Variants in CEP85 observed in about 807,000 individuals in gnomAD.
The protein encoded by CEP85 is centrosomal protein of 85 kDa.
A neutral mutation model predicts 93.7 loss-of-function variants in CEP85; 58 were observed. The observed-to-expected ratio is 0.62, with a 90% CI of 0.50 to 0.77. CEP85 has a LOEUF of 0.77. Among genes scored for constraint, CEP85 ranks in the 30% least tolerant of loss-of-function variants. The probability of loss-of-function intolerance (pLI) is 0.00; values close to 1 mark genes in which losing one functional copy is unlikely to be tolerated. For missense variants in CEP85, 868 were observed against 922.0 expected (o/e 0.94, Z 0.76); for synonymous variants, 314 against 338.6 (o/e 0.93, Z 0.80).
intron 7 of CEP85, among the ~76,000 whole-genome samples, chr1:26,262,426 C>T (rs895424612): frequency 1.3e-5 from 2 of 151,416 alleles, no homozygotes; most frequent in African/African-American, 4.9e-5. Flanking sequence ...TGCAGTGAGC[C>T]GAGATAGCAC....
chr1:26,258,503 T>G (rs1198242205), intron 6 of CEP85, among the ~76,000 whole-genome samples: 2 of 151,668 alleles, frequency 1.3e-5, no homozygotes, highest in African/African-American at 4.9e-5. Context: ...GAAAGGTAGA[T>G]AGTAAGGTCC....
intron 1 of CEP85, among the ~76,000 whole-genome samples, chr1:26,238,763 ATAACT>A (rs1231780441): frequency 6.6e-6 from 1 of 152,242 alleles, no homozygotes; most frequent in Non-Finnish European, 1.5e-5. Context: ...TAATAAATTG[ATAACT>A]TAATGTTTAG....
chr1:26,241,948 G>A (rs1370693364), intron 2 of CEP85, among the ~76,000 whole-genome samples: 2 of 152,024 alleles, frequency 1.3e-5, no homozygotes, highest in East Asian at 3.9e-4. Context: ...ATTTTTAGTA[G>A]AGACGGGTTT....
chr1:26,270,316 G>C (rs2089956232), intron 9 of CEP85, among the ~76,000 whole-genome samples: 1 of 152,186 alleles, frequency 6.6e-6, no homozygotes, highest in African/African-American at 2.4e-5. Flanking sequence ...GCTACCAGGA[G>C]CCTTTCTCCT....
In CEP85 at chr1:26,277,968, G is replaced by C. The variant is rs1236869184; in HGVS notation, c.*675G>C. The C allele has an allele frequency of 6.5e-6, 1 of 152,696 alleles. No homozygotes were observed. Among genetic ancestry groups the C allele is most frequent in the African/African-American group, 2.4e-5 (1 of 41,408 alleles). 9.5% of individuals were successfully genotyped at this position (152,696 alleles called of 1,614,324 possible). A position where few individuals can be genotyped will look rare whatever the true frequency, so the allele number is the denominator to read the frequency against. On this transcript the variant is annotated 3_prime_UTR_variant, in exon 14 of 14. Transcript: ENST00000451429. Reference sequence around the variant, plus strand: ...ACTCTCCAGCTGCCTTGTGTCCCTAGGGTCCTGGCCATGTGTTTAGTGTGC... The same window carrying C: ...ACTCTCCAGCTGCCTTGTGTCCCTACGGTCCTGGCCATGTGTTTAGTGTGC...
In CEP85 at chr1:26,243,771, G is replaced by A. The variant is rs568458723; in HGVS notation, c.56-395G>A. Among the ~76,000 whole-genome samples the A allele has an allele frequency of 9.2e-5, 14 of 152,178 alleles. No individual in the cohort carries two copies. The South Asian group carries it at 1.9e-3, about 20-fold the overall frequency. ...TCCCAGCACTTTGGGAGGCCAAGGC[G>A]GGTGGATTATGAGATCAGGAGTTCA... On this transcript the variant is annotated intron_variant, in intron 2 of 13. Coordinates refer to ENST00000451429, the MANE Select transcript of CEP85 (RefSeq NM_001319944.2).
chr1:26,268,681 A>G (rs1366627169), intron 8 of CEP85, 46 bp downstream of exon 8: 6 of 1,539,608 alleles, frequency 3.9e-6, no homozygotes, highest in Non-Finnish European at 5.2e-6. Flanking sequence ...GGGAGTGGCC[A>G]GGCAGGGGAA....
intron 3 of CEP85, among the ~76,000 whole-genome samples, chr1:26,254,427 TA>T (rs78505562): frequency 3.9e-4 from 56 of 143,496 alleles, no homozygotes; most frequent in Admixed American, 4.2e-4. Context: ...AAGGAAAAGT[TA>T]AAAAAAAAAA....
chr1:26,235,734 G>T (rs1238286045), intron 1 of CEP85, among the ~76,000 whole-genome samples: 2 of 151,976 alleles, frequency 1.3e-5, no homozygotes, highest in Non-Finnish European at 2.9e-5. Context: ...CACCATGCAC[G>T]GATAATTTTG....
intron 7 of CEP85, among the ~76,000 whole-genome samples, chr1:26,261,266 G>T (rs1240958030): frequency 6.6e-6 from 1 of 150,938 alleles, no homozygotes; most frequent in Non-Finnish European, 1.5e-5. Context: ...TGAGGTCAGG[G>T]GTTCGAGACC....
chr1:26,267,535 G>C (rs2089910612), intron 7 of CEP85, among the ~76,000 whole-genome samples: 1 of 152,174 alleles, frequency 6.6e-6, no homozygotes, highest in East Asian at 1.9e-4. Context: ...TTGCATTCCA[G>C]CCTGGGCAAC....
intron 7 of CEP85, among the ~76,000 whole-genome samples, chr1:26,262,695 A>T (rs193181822): frequency 1.3e-5 from 2 of 152,306 alleles, no homozygotes; most frequent in Admixed American, 1.3e-4. Flanking sequence ...GAAAAATCAA[A>T]CGGCACCTGC....
At position 26,246,477 on chromosome 1, in the gene CEP85, T is replaced by C. The variant is rs75384142; in HGVS notation, c.208+2159T>C. Among the ~76,000 whole-genome samples, 496 of 152,264 alleles carry C rather than the reference T, an allele frequency of 3.3e-3. 1 individual carries two copies. The highest frequency in any genetic ancestry group is 0.011 in the African/African-American group (444 of 41,554). ...GGCCAGATGTAGGGGCTGATGTCTATAATCCTAGCGCTTTGGGAGGCCAAG... is the reference window on the plus strand; with the variant it reads ...GGCCAGATGTAGGGGCTGATGTCTACAATCCTAGCGCTTTGGGAGGCCAAG... On this transcript the variant is annotated intron_variant, in intron 3 of 13. Coordinates refer to ENST00000451429, the MANE Select transcript of CEP85 (RefSeq NM_001319944.2).
intron 3 of CEP85, among the ~76,000 whole-genome samples, chr1:26,251,450 C>T (rs2089614169): frequency 6.6e-6 from 1 of 152,044 alleles, no homozygotes; most frequent in East Asian, 1.9e-4. Flanking sequence ...AGGGTTTCTC[C>T]ACGTTGATCA....
intron 3 of CEP85, among the ~76,000 whole-genome samples, chr1:26,253,599 C>T (rs529100154): frequency 6.6e-6 from 1 of 151,816 alleles, no homozygotes; most frequent in South Asian, 2.1e-4. Context: ...CCGTGTTAGC[C>T]AGGATGGTTT....
intron 3 of CEP85, among the ~76,000 whole-genome samples, chr1:26,250,686 T>C (rs1228579652): frequency 2.0e-5 from 3 of 152,228 alleles, no homozygotes; most frequent in Non-Finnish European, 4.4e-5. Context: ...TTGGTACTTT[T>C]CTTCTTGGCT....
chr1:26,271,345 C>T (rs757516387), intron 10 of CEP85: 1 of 421,872 alleles, frequency 2.4e-6, no homozygotes, highest in African/African-American at 2.0e-5. Flanking sequence ...GGGTGATATG[C>T]CTCTGAATAT....
chr1:26,262,408 G>A (rs903998959), intron 7 of CEP85, among the ~76,000 whole-genome samples: 18 of 151,854 alleles, frequency 1.2e-4, no homozygotes, highest in Non-Finnish European at 1.3e-4. Flanking sequence ...AACCCAGGAG[G>A]TAGATGTTGC....
chr1:26,276,499 G>A lies in CEP85; in HGVS notation c.1903-36G>A, dbSNP rs181945884. Reference sequence around the variant, plus strand: ...GCACAGATACTCTTCCTCTCCCTGGGCCTGAGTTAATGTGCTTACCCATCT... The same window carrying A: ...GCACAGATACTCTTCCTCTCCCTGGACCTGAGTTAATGTGCTTACCCATCT... On this transcript the variant is annotated intron_variant, in intron 12 of 13. Transcript: ENST00000451429. The A allele has an allele frequency of 6.5e-6, 10 of 1,527,456 alleles. No homozygotes were observed. In the Admixed American group the frequency reaches 1.3e-4, roughly 20 times the overall value. 94.6% of individuals were successfully genotyped at this position (1,527,456 alleles called of 1,614,324 possible). A position where few individuals can be genotyped will look rare whatever the true frequency, so the allele number is the denominator to read the frequency against.
Sources: allele counts gnomAD v4.1 joint callset (sites outside exome capture counted in the v4.1 genomes callset), GRCh38; gene constraint gnomAD v4.1.1; transcripts MANE v1.5; gene names NCBI Gene and HGNC (gene_info 2026-07-23, HGNC 2026-07-21).